The following ATP6V1E2 variants were observed in gnomAD, a reference collection of about 807,000 sequenced individuals.
The protein encoded by ATP6V1E2 is ATPase H+ transporting V1 subunit E2, also known as V-type proton ATPase subunit E 2.
For synonymous variants in ATP6V1E2, 121 were observed against 104.2 expected, an observed-to-expected ratio of 1.16 and a Z score of -0.98; for missense variants, 308 against 273.3, an observed-to-expected ratio of 1.13 and a Z score of -0.90.
chr2:46,513,773 T>C (rs1375762601), intron 4 of ATP6V1E2, among the ~76,000 whole-genome samples: 3 of 151,930 alleles, frequency 2.0e-5, no homozygotes, highest in Admixed American at 2.0e-4. Context: ...TGCAGTGAGC[T>C]GAGATCGCGC....
intron 4 of ATP6V1E2, among the ~76,000 whole-genome samples, chr2:46,513,998 CT>C (rs2103824155): frequency 6.6e-6 from 1 of 151,958 alleles, no homozygotes; most frequent in South Asian, 2.1e-4. Flanking sequence ...AGAAATATAG[CT>C]TTTAGTGTGG....
chr2:46,524,648 G>A (rs1302507192), intron 4 of ATP6V1E2, among the ~76,000 whole-genome samples: 2 of 152,174 alleles, frequency 1.3e-5, no homozygotes, highest in Admixed American at 1.3e-4. Context: ...AGCCCTGTGG[G>A]CAAGGGGCCA....
At chr2:46,522,876 T>A (rs911822252) in intron 4 of ATP6V1E2, among the ~76,000 whole-genome samples, 13 of 152,230 alleles carry the variant, frequency 8.5e-5, no homozygotes, top group African/African-American at 3.1e-4. Context: ...AAAGTGTTCC[T>A]ATTTCTCTAC....
At chr2:46,513,247 G>GT (rs1687560856) in intron 4 of ATP6V1E2, among the ~76,000 whole-genome samples, 1 of 152,078 alleles carries the variant, frequency 6.6e-6, no homozygotes, top group South Asian at 2.1e-4. Context: ...TAGGAGGGTT[G>GT]TAAGAACCTT....
intron 4 of ATP6V1E2, among the ~76,000 whole-genome samples, chr2:46,514,895 G>A (rs1238325642): frequency 1.3e-5 from 2 of 151,948 alleles, no homozygotes; most frequent in African/African-American, 2.4e-5. Flanking sequence ...AGAGAAAAGA[G>A]CCATCACATA....
At chr2:46,524,900 G>C (rs1431092647) in intron 4 of ATP6V1E2, among the ~76,000 whole-genome samples, 1 of 152,120 alleles carries the variant, frequency 6.6e-6, no homozygotes, top group Non-Finnish European at 1.5e-5. Context: ...TGAGAGTTGG[G>C]GCATTATGCA....
At chr2:46,531,169 C>T (rs1667165189) in intron 4 of ATP6V1E2, among the ~76,000 whole-genome samples, 1 of 152,198 alleles carries the variant, frequency 6.6e-6, no homozygotes, top group African/African-American at 2.4e-5. Context: ...TAAGCAGTTG[C>T]TCCTCATTTT....
chr2:46,529,445 G>T (rs1037202003), intron 4 of ATP6V1E2, among the ~76,000 whole-genome samples: 5 of 152,228 alleles, frequency 3.3e-5, no homozygotes, highest in African/African-American at 1.2e-4. Context: ...ACAGAGTCTA[G>T]TACATAGCAG....
In ATP6V1E2 at chr2:46,518,684, G is replaced by T. The variant is rs1666432850; in HGVS notation, c.-101-5872C>A. Among the ~76,000 whole-genome samples the T allele has an allele frequency of 4.0e-5, 6 of 151,452 alleles. No individual in the cohort carries two copies. In the South Asian group the frequency reaches 1.2e-3, roughly 32 times the overall value. On this transcript the variant is annotated intron_variant, in intron 4 of 4. Coordinates refer to ENST00000522587, the MANE Select transcript of ATP6V1E2 (RefSeq NM_001318063.2). ...CATCCACTCCTCATTACTTTAGGAT[G>T]TACTTTTAAAAAAAACCTGCATTTT... is the stretch of plus-strand genomic sequence containing the variant.
chr2:46,529,366 G>T (rs1411024449), intron 4 of ATP6V1E2, among the ~76,000 whole-genome samples: 1 of 152,216 alleles, frequency 6.6e-6, no homozygotes, highest in Non-Finnish European at 1.5e-5. Context: ...ATGCCTAGGG[G>T]CTTCCTCAGT....
Position 46,512,139 on chromosome 2 carries a change from C to T in ATP6V1E2, c.573G>A (p.Lys191=), listed in dbSNP as rs777701750. ...VEVYSGNQRI[K]VSNTLESRLD... ...GTCGGCTTTCCAAGGTATTTGAAACCTTTATTCTCTGATTGCCACTGTAGA... is the reference window on the plus strand; with the variant it reads ...GTCGGCTTTCCAAGGTATTTGAAACTTTTATTCTCTGATTGCCACTGTAGA... Residue 191 remains lysine, a synonymous_variant, in exon 5 of 5, where the codon AAG becomes AAA. Coordinates refer to ENST00000522587, the MANE Select transcript of ATP6V1E2 (RefSeq NM_001318063.2). 1.5e-5 allele frequency: 25 copies of T among 1,614,052 alleles called. No individual in the cohort carries two copies. The Admixed American group carries it at 3.7e-4, about 24-fold the overall frequency.
Position 46,512,372 on chromosome 2 carries a change from C to T in ATP6V1E2, c.340G>A (p.Gly114Arg), listed in dbSNP as rs867305227. 1 of 1,614,078 alleles carries T rather than the reference C, an allele frequency of 6.2e-7. No homozygotes were observed. Among genetic ancestry groups the T allele is most frequent in the South Asian group, 1.1e-5 (1 of 91,076 alleles). The change falls in exon 5 of 5, where the codon GGG becomes AGG. Residue 114 changes from glycine (G) to arginine (R), a missense_variant. By Grantham distance (125) the Gly-to-Arg change is moderately radical. Transcript: ENST00000522587. ...RIVEDPEVYQ[G>R]LLDKLVLQGL... ...TGGAGCACCAGTTTATCCAGCAGCCCCTGGTAGACCTCTGGGTCCTCCACA... is the reference window on the plus strand; with the variant it reads ...TGGAGCACCAGTTTATCCAGCAGCCTCTGGTAGACCTCTGGGTCCTCCACA...
chr2:46,516,762 A>G (rs1687729341), intron 4 of ATP6V1E2, among the ~76,000 whole-genome samples: 1 of 151,996 alleles, frequency 6.6e-6, no homozygotes, highest in African/African-American at 2.4e-5. Context: ...CTCTCAAGTT[A>G]CCTAACTTTA....
intron 4 of ATP6V1E2, among the ~76,000 whole-genome samples, chr2:46,526,735 A>G (rs996675709): frequency 6.6e-6 from 1 of 152,262 alleles, no homozygotes; most frequent in Non-Finnish European, 1.5e-5. Context: ...TTATGGCTGG[A>G]TATTTCATTG....
In ATP6V1E2 at chr2:46,512,537, T is replaced by G; in HGVS notation, c.175A>C (p.Lys59Gln). 1 of 1,614,222 alleles carries G rather than the reference T, an allele frequency of 6.2e-7. No individual in the cohort carries two copies. The highest frequency in any genetic ancestry group is 1.1e-5 in the South Asian group (1 of 91,082). ...TGCTGCTCTATCTGCTTCTCCTTTT[T>G]CTCATAATACTCCATAATCTTCAGT... ...QRLKIMEYYE[K>Q]KEKQIEQQKK... The change falls in exon 5 of 5, where the codon AAA becomes CAA. Residue 59 changes from lysine to glutamine, a missense_variant. Lys to Gln is a moderately conservative substitution (Grantham distance 53). Transcript: ENST00000522587.
chr2:46,525,558 C>A (rs1666878366), intron 4 of ATP6V1E2, among the ~76,000 whole-genome samples: 2 of 151,200 alleles, frequency 1.3e-5, no homozygotes, highest in Admixed American at 6.6e-5. Context: ...CGAGAGAGTT[C>A]ATTTGGTCTA....
At chr2:46,524,263 T>C (rs927941760) in intron 4 of ATP6V1E2, among the ~76,000 whole-genome samples, 7 of 152,054 alleles carry the variant, frequency 4.6e-5, no homozygotes, top group African/African-American at 1.7e-4. Flanking sequence ...TAGGGGATGG[T>C]TTGAGACCTT....
intron 4 of ATP6V1E2, among the ~76,000 whole-genome samples, chr2:46,515,981 A>G (rs570955528): frequency 2.0e-5 from 3 of 152,346 alleles, no homozygotes; most frequent in East Asian, 3.9e-4. Context: ...AAGATAGAAC[A>G]CTTATAAATA....
At chr2:46,526,005 T>G (rs1053567414) in intron 4 of ATP6V1E2, among the ~76,000 whole-genome samples, 7 of 152,244 alleles carry the variant, frequency 4.6e-5, no homozygotes, top group African/African-American at 1.7e-4. Context: ...AGATCTGATT[T>G]TTTAGAGAAG....
Sources: gnomAD v4.1 joint callset for allele counts (sites outside exome capture counted in the v4.1 genomes callset) on GRCh38, gnomAD v4.1.1 for gene constraint, MANE v1.5 for transcripts, NCBI Gene and HGNC (gene_info 2026-07-23, HGNC 2026-07-21) for gene names.